The following PTPRR variants were observed in gnomAD, a reference collection of about 807,000 sequenced individuals.
PTPRR encodes the protein protein tyrosine phosphatase receptor type R, also known as receptor-type tyrosine-protein phosphatase R.
Under a neutral mutation model 77.2 loss-of-function variants are expected in PTPRR, and 38 were observed. That is an observed-to-expected ratio of 0.49 (90% CI 0.38 to 0.65). The LOEUF is 0.65. Ranked by LOEUF, PTPRR falls within the 30% of genes least tolerant of loss-of-function variation. PTPRR has a pLI of 0.00. For synonymous variants in PTPRR, 299 were observed against 283.1 expected (o/e 1.06, Z -0.57); for missense variants, 744 against 799.2 (o/e 0.93, Z 0.83).
chr12:70,730,184 C>G (rs530785788), intron 6 of PTPRR, among the ~76,000 whole-genome samples: 3 of 152,232 alleles, frequency 2.0e-5, no homozygotes, highest in Admixed American at 2.0e-4. Flanking sequence ...CTGTTTCACT[C>G]TGCCACCTGC....
intron 1 of PTPRR, among the ~76,000 whole-genome samples, chr12:70,919,404 ATG>A (rs945572978): frequency 3.3e-5 from 5 of 152,130 alleles, no homozygotes; most frequent in African/African-American, 1.2e-4. Context: ...ATTTTGGTTC[ATG>A]TGTGTGTGAC....
intron 4 of PTPRR, among the ~76,000 whole-genome samples, chr12:70,758,140 T>C (rs1211069349): frequency 3.3e-5 from 5 of 152,258 alleles, no homozygotes; most frequent in Non-Finnish European, 7.3e-5. Context: ...ATGCTCCTTA[T>C]ATCTGATTCA....
intron 11 of PTPRR, among the ~76,000 whole-genome samples, chr12:70,661,439 A>C (rs1461110769): frequency 6.6e-6 from 1 of 152,210 alleles, no homozygotes; most frequent in African/African-American, 2.4e-5. Flanking sequence ...AGAATGAGAT[A>C]TATTTTGTTT....
intron 2 of PTPRR, among the ~76,000 whole-genome samples, chr12:70,817,754 G>A (rs564915110): frequency 6.6e-6 from 1 of 152,274 alleles, no homozygotes; most frequent in South Asian, 2.1e-4. Flanking sequence ...AGATATGTTT[G>A]TCAATAAGAG....
chr12:70,779,293 C>T (rs932551011), intron 2 of PTPRR, among the ~76,000 whole-genome samples: 4 of 151,900 alleles, frequency 2.6e-5, no homozygotes, highest in Non-Finnish European at 5.9e-5. Flanking sequence ...TATCTGGCTC[C>T]TATTAACTGT....
At chr12:70,830,006 G>A (rs1297783045) in intron 2 of PTPRR, among the ~76,000 whole-genome samples, 2 of 152,092 alleles carry the variant, frequency 1.3e-5, no homozygotes, top group Non-Finnish European at 2.9e-5. Flanking sequence ...CTAAATAATG[G>A]GAGAGTTGGG....
At chr12:70,781,823 A>C (rs1427393419) in intron 2 of PTPRR, among the ~76,000 whole-genome samples, 2 of 152,166 alleles carry the variant, frequency 1.3e-5, no homozygotes, top group Non-Finnish European at 2.9e-5. Context: ...ATACTACAGC[A>C]ATAGTGTCTT....
chr12:70,668,216 G>T (rs888418667), intron 10 of PTPRR, among the ~76,000 whole-genome samples: 1 of 151,976 alleles, frequency 6.6e-6, no homozygotes, highest in African/African-American at 2.4e-5. Context: ...AGGAAGAGAA[G>T]GAAGAGGAGG....
intron 3 of PTPRR, among the ~76,000 whole-genome samples, chr12:70,764,008 C>CT (rs1249116948): frequency 0.2 from 26,972 of 132,124 alleles, 2,683 homozygotes; most frequent in African/African-American, 0.25. Context: ...TTTGGGTTTA[C>CT]TTTTTTTTTT....
At chr12:70,859,295 C>T (rs542664715) in intron 2 of PTPRR, among the ~76,000 whole-genome samples, 137 of 152,158 alleles carry the variant, frequency 9.0e-4, no homozygotes, top group African/African-American at 3.1e-3. Flanking sequence ...ACTTGGGCTG[C>T]ACCCCTCAAA....
intron 8 of PTPRR, among the ~76,000 whole-genome samples, chr12:70,689,560 A>G (rs539972656): frequency 5.3e-5 from 8 of 152,274 alleles, no homozygotes; most frequent in African/African-American, 1.9e-4. Flanking sequence ...AAATTATTCC[A>G]TTGTTTATAC....
chr12:70,736,886 A>G (rs1347765490), intron 6 of PTPRR, among the ~76,000 whole-genome samples: 1 of 152,180 alleles, frequency 6.6e-6, no homozygotes, highest in African/African-American at 2.4e-5. Flanking sequence ...GGGAAAATCA[A>G]AGGAACCTGG....
chr12:70,682,172 T>C (rs1887695431), intron 10 of PTPRR, among the ~76,000 whole-genome samples: 1 of 149,362 alleles, frequency 6.7e-6, no homozygotes, highest in Non-Finnish European at 1.5e-5. Context: ...GCCTCCCGAG[T>C]AGCTGGGACT....
At chr12:70,657,373 G>A (rs1886623192) in intron 12 of PTPRR, among the ~76,000 whole-genome samples, 1 of 152,144 alleles carries the variant, frequency 6.6e-6, no homozygotes, top group Non-Finnish European at 1.5e-5. Flanking sequence ...TTAGGAGAGG[G>A]TGCAGCTAGA....
chr12:70,904,834 A>C (rs1170602582), intron 1 of PTPRR, among the ~76,000 whole-genome samples: 1 of 151,860 alleles, frequency 6.6e-6, no homozygotes, highest in Middle Eastern at 3.2e-3. Context: ...AATTTAATTG[A>C]AATGAGGACT....
At chr12:70,806,527 A>G (rs900568881) in intron 2 of PTPRR, among the ~76,000 whole-genome samples, 3 of 152,162 alleles carry the variant, frequency 2.0e-5, no homozygotes, top group African/African-American at 7.2e-5. Flanking sequence ...TGAAAGTTAA[A>G]CCATTTGTCA....
intron 6 of PTPRR, among the ~76,000 whole-genome samples, chr12:70,739,769 A>C (rs1460716974): frequency 1.3e-5 from 2 of 152,196 alleles, no homozygotes; most frequent in Non-Finnish European, 2.9e-5. Flanking sequence ...TTACATGGCC[A>C]GTGGTAGGGG....
At chr12:70,660,106 G>A (rs1473074176) in intron 12 of PTPRR, among the ~76,000 whole-genome samples, 1 of 151,796 alleles carries the variant, frequency 6.6e-6, no homozygotes, top group Non-Finnish European at 1.5e-5. Context: ...GAGCCAAGGA[G>A]GCGGAGGTTG....
chr12:70,905,437 C>G (rs1378357703), intron 1 of PTPRR, among the ~76,000 whole-genome samples: 1 of 151,792 alleles, frequency 6.6e-6, no homozygotes, highest in Non-Finnish European at 1.5e-5. Flanking sequence ...GTGTCTCTTA[C>G]AGAATGTTTA....
Sources: gnomAD v4.1 joint callset for allele counts (sites outside exome capture counted in the v4.1 genomes callset) on GRCh38, gnomAD v4.1.1 for gene constraint, MANE v1.5 for transcripts, NCBI Gene and HGNC (gene_info 2026-07-23, HGNC 2026-07-21) for gene names.